DLGAP2: variants seen among roughly 807,000 people sequenced by gnomAD.
DLGAP2 encodes DLG associated protein 2.
In DLGAP2, 26 loss-of-function variants were observed where a neutral mutation model predicts 100.3. That is an observed-to-expected ratio of 0.26 (90% confidence interval 0.19 to 0.36). The LOEUF (loss-of-function observed/expected upper bound fraction) is 0.36, where lower values mean the gene tolerates loss of function less well. Ranked by LOEUF, DLGAP2 falls within the 10% of genes least tolerant of loss-of-function variation. The probability of loss-of-function intolerance (pLI) is 1.00; values close to 1 mark genes in which losing one functional copy is unlikely to be tolerated. For missense variants in DLGAP2, 1,858 were observed against 1,453.2 expected, an observed-to-expected ratio of 1.28 and a Z score of -4.53; for synonymous variants, 886 against 630.1, an observed-to-expected ratio of 1.41 and a Z score of -6.08.
At chr8:1,558,510 G>A (rs983716040) in intron 5 of DLGAP2, among the ~76,000 whole-genome samples, 5 of 152,026 alleles carry the variant, frequency 3.3e-5, no homozygotes, top group South Asian at 2.1e-4. Flanking sequence ...TACACACATA[G>A]GCATGCATGC....
intron 2 of DLGAP2, among the ~76,000 whole-genome samples, chr8:1,219,309 G>C (rs1205288602): frequency 6.6e-6 from 1 of 152,166 alleles, no homozygotes; most frequent in Admixed American, 6.5e-5. Context: ...ACTAGTTTGT[G>C]AGGGTTTTTA....
intron 3 of DLGAP2, among the ~76,000 whole-genome samples, chr8:1,470,729 G>T (rs929742253): frequency 1.9e-5 from 2 of 103,294 alleles, no homozygotes; most frequent in Non-Finnish European, 3.8e-5. Flanking sequence ...ACCGACCACG[G>T]CCTCCCCTTC....
chr8:1,242,062 G>A (rs996080555), intron 2 of DLGAP2, among the ~76,000 whole-genome samples: 3 of 152,152 alleles, frequency 2.0e-5, no homozygotes, highest in African/African-American at 7.2e-5. Context: ...AGTATAATTT[G>A]GTATAACGGG....
intron 8 of DLGAP2, among the ~76,000 whole-genome samples, chr8:1,644,209 C>G (rs1585027450): frequency 6.6e-6 from 1 of 152,366 alleles, no homozygotes; most frequent in African/African-American, 2.4e-5. Context: ...GGACTTCCCA[C>G]CCACTCTCCA....
In DLGAP2 at chr8:1,616,470, G is replaced by A. The variant is rs1266941184; in HGVS notation, c.1443-10270G>A. ...AATAGTTAAACTGTGGAAAACCAGAGAGAGACAAGTCTGTAAAGCAACCAA... is the reference window on the plus strand; with the variant it reads ...AATAGTTAAACTGTGGAAAACCAGAAAGAGACAAGTCTGTAAAGCAACCAA... On this transcript the variant is annotated intron_variant, in intron 6 of 14. Coordinates refer to ENST00000637795, the MANE Select transcript of DLGAP2 (RefSeq NM_001346810.2). Among the ~76,000 whole-genome samples the A allele has an allele frequency of 2.0e-5, 3 of 152,104 alleles. No homozygotes were observed. In the East Asian group the frequency reaches 5.8e-4, roughly 29 times the overall value.
chr8:808,516 C>T (rs1328996333), intron 1 of DLGAP2, among the ~76,000 whole-genome samples: 1 of 152,184 alleles, frequency 6.6e-6, no homozygotes, highest in Non-Finnish European at 1.5e-5. Flanking sequence ...AGTGGGATTC[C>T]TTCCTCATCT....
chr8:835,641 G>A (rs535996691), intron 1 of DLGAP2, among the ~76,000 whole-genome samples: 1 of 152,258 alleles, frequency 6.6e-6, no homozygotes, highest in African/African-American at 2.4e-5. Flanking sequence ...CTCTTAAAAC[G>A]AGTTCTCTTC....
intron 4 of DLGAP2, among the ~76,000 whole-genome samples, chr8:1,502,654 C>T (rs1306867917): frequency 6.6e-6 from 1 of 152,130 alleles, no homozygotes; most frequent in Non-Finnish European, 1.5e-5. Context: ...TTTTTTAAAC[C>T]TCAGTCTGGC....
chr8:1,515,151 A>C (rs573792174), intron 4 of DLGAP2, among the ~76,000 whole-genome samples: 1 of 152,296 alleles, frequency 6.6e-6, no homozygotes, highest in South Asian at 2.1e-4. Flanking sequence ...AGGAGGAGAC[A>C]TGGAAGGCAG....
chr8:1,068,018 T>C (rs1803311298), intron 2 of DLGAP2, among the ~76,000 whole-genome samples: 1 of 152,230 alleles, frequency 6.6e-6, no homozygotes, highest in African/African-American at 2.4e-5. Context: ...TCTATAGTTT[T>C]GCCTTTTCCA....
At chr8:1,169,508 C>G (rs1476590373) in intron 2 of DLGAP2, among the ~76,000 whole-genome samples, 6 of 152,308 alleles carry the variant, frequency 3.9e-5, no homozygotes, top group Admixed American at 2.0e-4. Flanking sequence ...TTCTTCCTAT[C>G]CATGAGCATG....
At chr8:1,382,400 A>C (rs1485979715) in intron 3 of DLGAP2, among the ~76,000 whole-genome samples, 2 of 152,168 alleles carry the variant, frequency 1.3e-5, no homozygotes, top group African/African-American at 2.4e-5. Flanking sequence ...AGTTCCAACC[A>C]ATGTTGTTCA....
At chr8:1,241,115 T>C in intron 2 of DLGAP2, among the ~76,000 whole-genome samples, 1 of 120,484 alleles carries the variant, frequency 8.3e-6, no homozygotes, top group African/African-American at 3.0e-5. Flanking sequence ...TGTCTGGTTC[T>C]CTCGCATGGC....
intron 1 of DLGAP2, among the ~76,000 whole-genome samples, chr8:858,416 G>C (rs1797323652): frequency 6.6e-6 from 1 of 152,286 alleles, no homozygotes; most frequent in Non-Finnish European, 1.5e-5. Flanking sequence ...GGCTGCCATG[G>C]GCTGTGGGGA....
chr8:1,564,918 G>T (rs1313766702), intron 5 of DLGAP2, among the ~76,000 whole-genome samples: 1 of 152,026 alleles, frequency 6.6e-6, no homozygotes, highest in African/African-American at 2.4e-5. Context: ...CATATAACAT[G>T]CGTGGGTGCT....
intron 4 of DLGAP2, among the ~76,000 whole-genome samples, chr8:1,522,425 C>G (rs1000007513): frequency 9.2e-5 from 14 of 152,202 alleles, no homozygotes; most frequent in Admixed American, 9.2e-4. Flanking sequence ...CCTGGGGGAC[C>G]TCCTTTTGCT....
chr8:1,055,668 T>A (rs1417142540), intron 2 of DLGAP2, among the ~76,000 whole-genome samples: 1 of 152,176 alleles, frequency 6.6e-6, no homozygotes, highest in Non-Finnish European at 1.5e-5. Context: ...TTGGTCACCG[T>A]CTTCCAGCTC....
At chr8:1,347,099 G>A (rs1457938608) in intron 3 of DLGAP2, among the ~76,000 whole-genome samples, 5 of 151,970 alleles carry the variant, frequency 3.3e-5, no homozygotes, top group Non-Finnish European at 7.4e-5. Context: ...TTGTAGCTAT[G>A]TGGAGTTTGA....
At chr8:1,206,033 C>G (rs565467170) in intron 2 of DLGAP2, among the ~76,000 whole-genome samples, 16 of 152,240 alleles carry the variant, frequency 1.1e-4, no homozygotes, top group South Asian at 8.3e-4. Flanking sequence ...ATCAGCAAAT[C>G]AAGCAGGAAG....
Sources: allele counts gnomAD v4.1 joint callset (sites outside exome capture counted in the v4.1 genomes callset), GRCh38; gene constraint gnomAD v4.1.1; transcripts MANE v1.5; gene names NCBI Gene and HGNC (gene_info 2026-07-23, HGNC 2026-07-21).